SRRM4: variants seen among roughly 807,000 people sequenced by gnomAD.
The protein encoded by SRRM4 is serine/arginine repetitive matrix protein 4.
SRRM4 carries 33 observed loss-of-function variants against 68.9 expected under a neutral mutation model. That is an observed-to-expected ratio of 0.48 (90% CI 0.36 to 0.64). The LOEUF is 0.64. Ranked by LOEUF, SRRM4 falls within the 30% of genes least tolerant of loss-of-function variation. The pLI is 0.00. For synonymous variants in SRRM4, 318 were observed against 318.8 expected (o/e 1.00, Z 0.03); for missense variants, 817 against 827.1 (o/e 0.99, Z 0.15).
intron 1 of SRRM4, among the ~76,000 whole-genome samples, chr12:119,086,064 C>T (rs755784849): frequency 4.6e-5 from 7 of 152,094 alleles, no homozygotes; most frequent in Non-Finnish European, 1.0e-4. Flanking sequence ...CACCTAGGCA[C>T]TTATTGTTAA....
At chr12:119,111,784 C>T (rs1422549586) in intron 2 of SRRM4, among the ~76,000 whole-genome samples, 2 of 152,196 alleles carry the variant, frequency 1.3e-5, no homozygotes, top group Non-Finnish European at 2.9e-5. Context: ...TGGCTCATGC[C>T]TGTAATCCCA....
intron 1 of SRRM4, among the ~76,000 whole-genome samples, chr12:119,079,483 C>T (rs973728901): frequency 6.6e-6 from 1 of 152,162 alleles, no homozygotes; most frequent in Non-Finnish European, 1.5e-5. Flanking sequence ...AGCAGGGATA[C>T]TTGTCAGAGC....
At chr12:119,124,935 G>A (rs890247529) in intron 6 of SRRM4, among the ~76,000 whole-genome samples, 2 of 152,158 alleles carry the variant, frequency 1.3e-5, no homozygotes, top group South Asian at 2.1e-4. Context: ...TATTCTGGAG[G>A]CAAAGCAGCA....
chr12:119,085,309 GT>G (rs1953973116), intron 1 of SRRM4, among the ~76,000 whole-genome samples: 1 of 152,210 alleles, frequency 6.6e-6, no homozygotes, highest in Non-Finnish European at 1.5e-5. Context: ...TGTGAGGTAG[GT>G]GCTATTATTA....
intron 10 of SRRM4, among the ~76,000 whole-genome samples, chr12:119,151,528 G>T (rs888313158): frequency 1.3e-5 from 2 of 152,202 alleles, no homozygotes; most frequent in Admixed American, 6.5e-5. Context: ...GCATGAGAAT[G>T]AGCTAATGTG....
chr12:118,998,942 A>G (rs1953366864), intron 1 of SRRM4, among the ~76,000 whole-genome samples: 1 of 152,162 alleles, frequency 6.6e-6, no homozygotes, highest in Admixed American at 6.5e-5. Context: ...GGGTATAAAG[A>G]GATTTTGTTA....
chr12:119,108,003 C>T (rs1016966884), intron 2 of SRRM4, among the ~76,000 whole-genome samples: 14 of 152,078 alleles, frequency 9.2e-5, no homozygotes, highest in African/African-American at 2.7e-4. Flanking sequence ...CCAGAGATTC[C>T]AGTATGTTGT....
chr12:119,078,112 A>T (rs903694685), intron 1 of SRRM4, among the ~76,000 whole-genome samples: 3 of 152,202 alleles, frequency 2.0e-5, no homozygotes, highest in African/African-American at 7.2e-5. Context: ...GAGGAGTGGC[A>T]GGTGGGATGT....
rs1287885991 is a variant in SRRM4 at position 119,160,003 on chromosome 12, A to G, written c.*3205A>G. 1 of 151,702 alleles carries G rather than the reference A, an allele frequency of 6.6e-6. No homozygotes were observed. 9.4% of individuals were successfully genotyped at this position (151,702 alleles called of 1,614,324 possible). A position where few individuals can be genotyped will look rare whatever the true frequency, so the allele number is the denominator to read the frequency against. On this transcript the variant is annotated 3_prime_UTR_variant, in exon 13 of 13. Transcript: ENST00000267260. ...AAAGGTCATCAGTCCTGCTTATCTG[A>G]CCAACTGGCAGTGTCTTCTGGCTGC...
Position 119,004,602 on chromosome 12 carries a change from T to G in SRRM4, c.131+22589T>G, listed in dbSNP as rs114816415. On this transcript the variant is annotated intron_variant, in intron 1 of 12. Coordinates refer to ENST00000267260, the MANE Select transcript of SRRM4 (RefSeq NM_194286.4). ...GAACTAGCCTCCTGCTAGCAAAGGG[T>G]GGGTCAGAATCAGGGCTCCAACCCC... is the stretch of plus-strand genomic sequence containing the variant. Among the ~76,000 whole-genome samples, 1,259 of 151,958 alleles carry G rather than the reference T, an allele frequency of 8.3e-3. 24 individuals are homozygous for G. The highest frequency in any genetic ancestry group is 0.029 in the African/African-American group (1,193 of 41,520).
chr12:119,100,327 C>CATAA (rs1555218540), intron 1 of SRRM4, among the ~76,000 whole-genome samples: 1 of 105,446 alleles, frequency 9.5e-6, no homozygotes, highest in Non-Finnish European at 1.9e-5. Context: ...CCTGTCTCTA[C>CATAA]AAAAAAAAAA....
intron 1 of SRRM4, among the ~76,000 whole-genome samples, chr12:119,035,621 TCTA>T (rs1953621833): frequency 6.6e-6 from 1 of 152,194 alleles, no homozygotes; most frequent in Non-Finnish European, 1.5e-5. Flanking sequence ...TCATTTTCAA[TCTA>T]CTGTTTCATG....
chr12:119,049,359 G>C (rs146290197), intron 1 of SRRM4, among the ~76,000 whole-genome samples: 241 of 152,308 alleles, frequency 1.6e-3, no homozygotes, highest in African/African-American at 5.6e-3. Context: ...AGTGTCATTG[G>C]AGCAATTTGA....
At position 118,988,630 on chromosome 12, in the gene SRRM4, G is replaced by A. The variant is rs61660497; in HGVS notation, c.131+6617G>A. On this transcript the variant is annotated intron_variant, in intron 1 of 12. Transcript: ENST00000267260. ...ATACACAAAGTGGAAGAAGCTGCAC[G>A]TTGGCTAAAAAAAAATTAGGTTGTA... Among the ~76,000 whole-genome samples the A allele has an allele frequency of 3.0e-3, 464 of 152,212 alleles. 4 individuals carry two copies. Among genetic ancestry groups the A allele is most frequent in the African/African-American group, 8.7e-3 (362 of 41,520 alleles).
intron 1 of SRRM4, among the ~76,000 whole-genome samples, chr12:119,090,252 G>A (rs893261685): frequency 1.3e-5 from 2 of 152,084 alleles, no homozygotes; most frequent in African/African-American, 4.8e-5. Flanking sequence ...GTTTGATAGA[G>A]GAAAACATGG....
At position 119,032,041 on chromosome 12, in the gene SRRM4, G is replaced by C. The variant is rs545588902; in HGVS notation, c.131+50028G>C. Among the ~76,000 whole-genome samples the C allele has an allele frequency of 7.2e-5, 11 of 152,194 alleles. No individual in the cohort carries two copies. The South Asian group carries it at 2.3e-3, about 32-fold the overall frequency. On this transcript the variant is annotated intron_variant, in intron 1 of 12. Transcript: ENST00000267260. ...AGATTACTATCTAAAGTTCATTTTT[G>C]ATAGTAATTAGTAATTTTGTTGTTT... is the stretch of plus-strand genomic sequence containing the variant.
chr12:119,131,611 A>G (rs1954298635), intron 8 of SRRM4, among the ~76,000 whole-genome samples: 1 of 152,224 alleles, frequency 6.6e-6, no homozygotes, highest in African/African-American at 2.4e-5. Context: ...AGACTTAGAA[A>G]TGGATCTGAA....
At chr12:118,982,718 G>A (rs975455926) in intron 1 of SRRM4, among the ~76,000 whole-genome samples, 2 of 120,320 alleles carry the variant, frequency 1.7e-5, no homozygotes, top group Admixed American at 1.9e-4. Context: ...TGATTGCTTT[G>A]AACTCAGGGA....
In SRRM4 at chr12:119,066,877, C is replaced by A. The variant is rs572677966; in HGVS notation, c.132-35359C>A. 5.3e-5 allele frequency among the ~76,000 whole-genome samples: 8 copies of A among 152,364 alleles called. No homozygotes were observed. In the East Asian group the frequency reaches 1.5e-3, roughly 29 times the overall value. On this transcript the variant is annotated intron_variant, in intron 1 of 12. Coordinates refer to ENST00000267260, the MANE Select transcript of SRRM4 (RefSeq NM_194286.4). ...CTACTGGCTCTAGCTCCCCCTCCCC[C>A]ACATGATTCTTATGTGCACACACAC...
Sources: allele counts gnomAD v4.1 joint callset (sites outside exome capture counted in the v4.1 genomes callset), GRCh38; gene constraint gnomAD v4.1.1; transcripts MANE v1.5; gene names NCBI Gene and HGNC (gene_info 2026-07-23, HGNC 2026-07-21).